HTR2A: variants seen among roughly 807,000 people sequenced by gnomAD.
HTR2A encodes the protein 5-hydroxytryptamine receptor 2A, also known as 5-HT2 receptor.
A neutral mutation model predicts 31.0 loss-of-function variants in HTR2A; 14 were observed. That is an observed-to-expected ratio of 0.45 (90% CI 0.30 to 0.71). HTR2A has a LOEUF of 0.71. Ranked by LOEUF, HTR2A falls within the 30% of genes least tolerant of loss-of-function variation. HTR2A has a pLI of 0.09. For synonymous variants in HTR2A, 209 were observed against 225.2 expected (o/e 0.93, Z 0.64); for missense variants, 442 against 573.3 (o/e 0.77, Z 2.34).
At chr13:46,850,512 C>G (rs909264110) in intron 3 of HTR2A, among the ~76,000 whole-genome samples, 1 of 152,228 alleles carries the variant, frequency 6.6e-6, no homozygotes, top group African/African-American at 2.4e-5. Flanking sequence ...TTTCTATGCT[C>G]TGTAGCCTCA....
At chr13:46,887,119 T>C (rs1951012081) in intron 3 of HTR2A, among the ~76,000 whole-genome samples, 1 of 152,048 alleles carries the variant, frequency 6.6e-6, no homozygotes, top group Non-Finnish European at 1.5e-5. Flanking sequence ...CAGTATTCAA[T>C]TAAAAAGAAT....
chr13:46,848,400 A>G (rs1224606001), intron 3 of HTR2A, among the ~76,000 whole-genome samples: 1 of 152,222 alleles, frequency 6.6e-6, no homozygotes, highest in African/African-American at 2.4e-5. Context: ...AATAGAGCTT[A>G]GCGATTATCT....
chr13:46,874,732 T>G (rs1449781674), intron 3 of HTR2A, among the ~76,000 whole-genome samples: 2 of 152,220 alleles, frequency 1.3e-5, no homozygotes, highest in Admixed American at 1.3e-4. Flanking sequence ...ACAGAATGGT[T>G]GGAGCCATAG....
intron 1 of HTR2A, 36 bp from the exon 2 acceptor site, chr13:46,896,270 C>T (rs1355249139): frequency 2.8e-6 from 3 of 1,079,276 alleles, no homozygotes; most frequent in Admixed American, 4.7e-5. Flanking sequence ...ACTACTGGGA[C>T]TCTTGTTTAA....
chr13:46,839,343 G>C (rs1051795807), intron 3 of HTR2A, among the ~76,000 whole-genome samples: 1 of 152,114 alleles, frequency 6.6e-6, no homozygotes, highest in South Asian at 2.1e-4. Flanking sequence ...ACTCTATAAA[G>C]AGGAGAGGAA....
chr13:46,893,303 C>G (rs1314052121), intron 2 of HTR2A, among the ~76,000 whole-genome samples: 2 of 152,178 alleles, frequency 1.3e-5, no homozygotes, highest in Non-Finnish European at 2.9e-5. Flanking sequence ...TCTGCCACAC[C>G]TCTTAAAACA....
In HTR2A at chr13:46,895,686, T is replaced by C; in HGVS notation, c.221A>G (p.Lys74Arg). 1 of 1,614,196 alleles carries C rather than the reference T, an allele frequency of 6.2e-7. No individual in the cohort carries two copies. Among genetic ancestry groups the C allele is most frequent in the Non-Finnish European group, 8.5e-7 (1 of 1,180,030 alleles). ...GGCTGTCAGTAAAGCAGACCAGTTT[T>C]TTTCCTGGAGATGAAGTAAGGAGAG... The part of the protein sequence containing the change: ...SCLSLLHLQE[K>R]NWSALLTAVV... Residue 74 changes from lysine to arginine, a missense_variant, in exon 2 of 4, where the codon AAA becomes AGA. Physicochemically the swap from Lys to Arg is conservative, Grantham distance 26. Around this residue, in one of 5 missense-constraint regions of HTR2A, gnomAD observed 83 missense variants for 84.8 expected, o/e 0.98. Coordinates refer to ENST00000542664, the MANE Select transcript of HTR2A (RefSeq NM_000621.5). The surrounding 1 kb of genome is among the most constrained non-coding windows in gnomAD (Gnocchi z 4.4).
At chr13:46,861,366 C>A (rs1299690627) in intron 3 of HTR2A, among the ~76,000 whole-genome samples, 1 of 152,152 alleles carries the variant, frequency 6.6e-6, no homozygotes, top group Non-Finnish European at 1.5e-5. Flanking sequence ...ATTTTACTTC[C>A]CTTATCCTCA....
At position 46,831,998 on chromosome 13, in the gene HTR2A, AGT is replaced by A. The variant is rs1438069659; in HGVS notation, c.*2837_*2838del. On this transcript the variant is annotated 3_prime_UTR_variant, in exon 4 of 4. Transcript: ENST00000542664. ...GACAACTGTGTTTCACTTAGGTGTG[AGT>A]CTGTTTAAAAAGCCATAGTAGTCAG... 6.6e-6 allele frequency: 1 copy of A among 152,212 alleles called. No homozygotes were observed. Among genetic ancestry groups the A allele is most frequent in the African/African-American group, 2.4e-5 (1 of 41,456 alleles). 9.4% of individuals were successfully genotyped at this position (152,212 alleles called of 1,614,324 possible). A position where few individuals can be genotyped will look rare whatever the true frequency, so the allele number is the denominator to read the frequency against.
At position 46,834,435 on chromosome 13, in the gene HTR2A, T is replaced by G. The variant is rs3803189; in HGVS notation, c.*402A>C. On this transcript the variant is annotated 3_prime_UTR_variant, in exon 4 of 4. Transcript: ENST00000542664. ...TATATTCAATAAAATTTTCACTATT[T>G]ATAGCTATTTTTATTTACAGCAATA... 28,761 of 161,338 alleles carry G rather than the reference T, an allele frequency of 0.18. 2,910 individuals carry two copies. The highest frequency in any genetic ancestry group is 0.27 in the African/African-American group (11,133 of 41,636). The allele number at this position is 161,338 out of a possible 1,614,324, so 10.0% of individuals were successfully genotyped here.
chr13:46,857,321 GC>G (rs1457237854), intron 3 of HTR2A, among the ~76,000 whole-genome samples: 1 of 148,792 alleles, frequency 6.7e-6, no homozygotes, highest in East Asian at 1.9e-4. Flanking sequence ...AAAAATCATT[GC>G]CCACAGATCT....
intron 3 of HTR2A, among the ~76,000 whole-genome samples, chr13:46,864,128 C>A (rs1182846052): frequency 6.6e-6 from 1 of 151,962 alleles, no homozygotes; most frequent in Non-Finnish European, 1.5e-5. Context: ...ATGGATGGAG[C>A]CTGGAGGCCA....
rs1303380819 is a variant in HTR2A, at chr13:46,863,698, A to G, written c.614-28059T>C. Among the ~76,000 whole-genome samples the G allele has an allele frequency of 2.0e-5, 3 of 150,732 alleles. No homozygotes were observed. In the South Asian group the frequency reaches 6.3e-4, roughly 32 times the overall value. On this transcript the variant is annotated intron_variant, in intron 3 of 3. Transcript: ENST00000542664. ...TGAAAAAAGCTCAACATCACTGATC[A>G]TTTGAAAATCAAAACCACAATGAGA...
chr13:46,842,996 G>T (rs567481132), intron 3 of HTR2A, among the ~76,000 whole-genome samples: 1 of 152,224 alleles, frequency 6.6e-6, no homozygotes, highest in Non-Finnish European at 1.5e-5. Context: ...GTTCTGAGTA[G>T]TGTGATAAAA....
At chr13:46,853,500 A>G (rs1309371247) in intron 3 of HTR2A, among the ~76,000 whole-genome samples, 7 of 152,194 alleles carry the variant, frequency 4.6e-5, no homozygotes, top group African/African-American at 1.7e-4. Flanking sequence ...AATTGAATCC[A>G]TAGAGATTCT....
At chr13:46,890,413 G>A (rs1227588538) in intron 3 of HTR2A, among the ~76,000 whole-genome samples, 3 of 152,184 alleles carry the variant, frequency 2.0e-5, no homozygotes, top group African/African-American at 7.2e-5. Context: ...CAGCCTGCCT[G>A]CCTCCTGTGG....
At chr13:46,858,758 C>T (rs1217810188) in intron 3 of HTR2A, among the ~76,000 whole-genome samples, 1 of 152,042 alleles carries the variant, frequency 6.6e-6, no homozygotes, top group African/African-American at 2.4e-5. Context: ...TAGCCATGGA[C>T]TAAATGTGGG....
rs772230929 is a variant in HTR2A at position 46,835,403 on chromosome 13, G to C, written c.850C>G (p.Leu284Val). Residue 284 changes from leucine (L) to valine (V), a missense_variant, in exon 4 of 4, where the codon CTC (leucine) becomes GTC (valine). Transcript: ENST00000542664. ...TCTGAAGACAAAGAACTCTGAGGGAGGAAGCTGAAAGAAGCTAATTTGGCC... is the reference window on the plus strand; with the variant it reads ...TCTGAAGACAAAGAACTCTGAGGGACGAAGCTGAAAGAAGCTAATTTGGCC... ...TRAKLASFSF[L>V]PQSSLSSEKL... The C allele has an allele frequency of 6.2e-7, 1 of 1,613,978 alleles. No individual in the cohort carries two copies. Among genetic ancestry groups the C allele is most frequent in the Non-Finnish European group, 8.5e-7 (1 of 1,179,996 alleles).
chr13:46,856,930 T>TG (rs1314895330), intron 3 of HTR2A, among the ~76,000 whole-genome samples: 2 of 152,082 alleles, frequency 1.3e-5, no homozygotes, highest in Admixed American at 6.5e-5. Context: ...TGCAAGGTGC[T>TG]GGGGGGAGCC....
Sources: gnomAD v4.1 joint callset for allele counts (sites outside exome capture counted in the v4.1 genomes callset) on GRCh38, gnomAD v4.1.1 for gene constraint, gnomAD v4.1.1 regional missense constraint, Gnocchi (gnomAD v3.1) non-coding constraint, MANE v1.5 for transcripts, NCBI Gene and HGNC (gene_info 2026-07-23, HGNC 2026-07-21) for gene names.